HS6ST3: variants seen among roughly 807,000 people sequenced by gnomAD.
HS6ST3 encodes the protein heparan sulfate 6-O-sulfotransferase 3.
A neutral mutation model predicts 36.7 loss-of-function variants in HS6ST3; 12 were observed. The ratio of observed to expected loss-of-function variants is 0.33; its 90% CI spans 0.21 to 0.53. The LOEUF is 0.53. HS6ST3 is among the 20% of genes least tolerant of loss of function. The probability of loss-of-function intolerance (pLI) is 0.95; values close to 1 mark genes in which losing one functional copy is unlikely to be tolerated. For synonymous variants in HS6ST3, 240 were observed against 257.5 expected (o/e 0.93, Z 0.65); for missense variants, 584 against 640.9 (o/e 0.91, Z 0.96).
chr13:96,800,857 G>A (rs187095424), intron 1 of HS6ST3, among the ~76,000 whole-genome samples: 16 of 151,986 alleles, frequency 1.1e-4, no homozygotes, highest in East Asian at 3.9e-4. Flanking sequence ...ATGTTTCATC[G>A]TCTGTTATCT....
intron 1 of HS6ST3, among the ~76,000 whole-genome samples, chr13:96,535,935 G>T (rs2056153533): frequency 6.6e-6 from 1 of 152,190 alleles, no homozygotes; most frequent in African/African-American, 2.4e-5. Flanking sequence ...AATTTAAAGT[G>T]TTACTAATTG....
intron 1 of HS6ST3, among the ~76,000 whole-genome samples, chr13:96,285,384 C>G (rs952583084): frequency 6.6e-6 from 1 of 152,128 alleles, no homozygotes; most frequent in East Asian, 1.9e-4. Context: ...TCTAAATTCA[C>G]GATACTAAGT....
At chr13:96,315,189 AAT>A (rs1203829171) in intron 1 of HS6ST3, among the ~76,000 whole-genome samples, 14 of 152,188 alleles carry the variant, frequency 9.2e-5, no homozygotes, top group Admixed American at 2.6e-4. Flanking sequence ...GATTTAGATT[AAT>A]TATTCTTGGT....
chr13:96,274,694 T>G (rs2054738819), intron 1 of HS6ST3, among the ~76,000 whole-genome samples: 1 of 152,102 alleles, frequency 6.6e-6, no homozygotes, highest in African/African-American at 2.4e-5. Context: ...ACCTGAGCAT[T>G]GAACCAGAAA....
At chr13:96,680,158 C>A (rs778599647) in intron 1 of HS6ST3, among the ~76,000 whole-genome samples, 2 of 152,120 alleles carry the variant, frequency 1.3e-5, no homozygotes, top group Non-Finnish European at 2.9e-5. Flanking sequence ...GCATCTCTCT[C>A]TGGGGGACAA....
chr13:96,320,656 A>G (rs1464800111), intron 1 of HS6ST3, among the ~76,000 whole-genome samples: 1 of 152,180 alleles, frequency 6.6e-6, no homozygotes, highest in African/African-American at 2.4e-5. Flanking sequence ...ACTATTTGAG[A>G]TGGCATTTCA....
chr13:96,730,284 T>A (rs1449064121), intron 1 of HS6ST3, among the ~76,000 whole-genome samples: 2 of 152,176 alleles, frequency 1.3e-5, no homozygotes, highest in African/African-American at 4.8e-5. Flanking sequence ...CATTATAGGT[T>A]TTTTTTAAAT....
intron 1 of HS6ST3, among the ~76,000 whole-genome samples, chr13:96,432,510 G>T (rs974495223): frequency 5.9e-5 from 9 of 152,050 alleles, no homozygotes; most frequent in Non-Finnish European, 1.0e-4. Flanking sequence ...CATATCACTG[G>T]AGTTATTTAC....
chr13:96,556,728 A>G (rs999498106), intron 1 of HS6ST3, among the ~76,000 whole-genome samples: 9 of 152,188 alleles, frequency 5.9e-5, no homozygotes, highest in Admixed American at 5.2e-4. Context: ...GGCAGTTTTT[A>G]TCCTGATTTT....
intron 1 of HS6ST3, among the ~76,000 whole-genome samples, chr13:96,301,011 T>C (rs896412618): frequency 2.6e-5 from 4 of 152,176 alleles, no homozygotes; most frequent in Non-Finnish European, 5.9e-5. Flanking sequence ...TAGCTTTCTC[T>C]TTCAAATGAA....
At chr13:96,142,853 A>G (rs2054038764) in intron 1 of HS6ST3, among the ~76,000 whole-genome samples, 1 of 152,102 alleles carries the variant, frequency 6.6e-6, no homozygotes, top group South Asian at 2.1e-4. Flanking sequence ...ATTTTCAGGG[A>G]TGTATTAGAA....
intron 1 of HS6ST3, among the ~76,000 whole-genome samples, chr13:96,195,663 A>G (rs965722728): frequency 2.0e-5 from 3 of 152,178 alleles, no homozygotes; most frequent in Non-Finnish European, 4.4e-5. Flanking sequence ...GGTAGCCGAC[A>G]CCATGCACTC....
At chr13:96,158,495 C>CA (rs1367547474) in intron 1 of HS6ST3, among the ~76,000 whole-genome samples, 2 of 150,670 alleles carry the variant, frequency 1.3e-5, no homozygotes, top group African/African-American at 2.4e-5. Context: ...TATTAAAATA[C>CA]AAAAAAAATT....
chr13:96,599,412 C>G (rs1424976224), intron 1 of HS6ST3, among the ~76,000 whole-genome samples: 1 of 151,976 alleles, frequency 6.6e-6, no homozygotes, highest in Non-Finnish European at 1.5e-5. Flanking sequence ...TCTAGATTCC[C>G]TAGTGTGCAC....
chr13:96,387,140 A>C (rs1040978283), intron 1 of HS6ST3, among the ~76,000 whole-genome samples: 1 of 152,170 alleles, frequency 6.6e-6, no homozygotes, highest in Non-Finnish European at 1.5e-5. Flanking sequence ...TTCTGCAATG[A>C]AAAGGAGCCA....
intron 1 of HS6ST3, among the ~76,000 whole-genome samples, chr13:96,727,235 G>T (rs1376592561): frequency 6.6e-6 from 1 of 152,146 alleles, no homozygotes; most frequent in Non-Finnish European, 1.5e-5. Flanking sequence ...CATCTGTAAA[G>T]TGGGGATAAT....
chr13:96,748,097 T>C (rs1876607229), intron 1 of HS6ST3, among the ~76,000 whole-genome samples: 1 of 152,094 alleles, frequency 6.6e-6, no homozygotes, highest in African/African-American at 2.4e-5. Context: ...TCATTCTTTG[T>C]TGTTACAAAA....
At chr13:96,610,536 G>A (rs979520582) in intron 1 of HS6ST3, among the ~76,000 whole-genome samples, 2 of 152,094 alleles carry the variant, frequency 1.3e-5, no homozygotes, top group Non-Finnish European at 2.9e-5. Context: ...TTAAATGTAC[G>A]TTGGCTTCTT....
chr13:96,091,466 A>G lies in HS6ST3; in HGVS notation c.604A>G (p.Thr202Ala), dbSNP rs1452131799. 6.2e-7 allele frequency: 1 copy of G among 1,608,296 alleles called. No individual in the cohort carries two copies. The highest frequency in any genetic ancestry group is 8.5e-7 in the Non-Finnish European group (1 of 1,178,478). The change falls in exon 1 of 2, where the codon ACC becomes GCC. Residue 202 changes from threonine (T) to alanine (A), a missense_variant. This residue lies in a region of HS6ST3 where 360 missense variants were observed against 411.3 expected (regional missense o/e 0.88). Transcript: ENST00000376705. Reference sequence around the variant, plus strand: ...GACGTGGCTCTTCTCCCGCTTCTCCACCGGCTGGAGCTGCGGGCTGCACGC... The same window carrying G: ...GACGTGGCTCTTCTCCCGCTTCTCCGCCGGCTGGAGCTGCGGGCTGCACGC... ...KETWLFSRFS[T>A]GWSCGLHADW...
Sources: gnomAD v4.1 joint callset for allele counts (sites outside exome capture counted in the v4.1 genomes callset) on GRCh38, gnomAD v4.1.1 for gene constraint, gnomAD v4.1.1 regional missense constraint, MANE v1.5 for transcripts, NCBI Gene and HGNC (gene_info 2026-07-23, HGNC 2026-07-21) for gene names.